SCAP: variants seen among roughly 807,000 people sequenced by gnomAD.
SCAP encodes the protein sterol regulatory element-binding protein cleavage-activating protein.
Under a neutral mutation model 123.6 loss-of-function variants are expected in SCAP, and 65 were observed. The observed-to-expected ratio is 0.53, with a 90% CI of 0.43 to 0.65. The LOEUF (loss-of-function observed/expected upper bound fraction) is 0.65, where lower values mean the gene tolerates loss of function less well. Among genes scored for constraint, SCAP ranks in the 30% least tolerant of loss-of-function variants. The probability of loss-of-function intolerance (pLI) is 0.00; values close to 1 mark genes in which losing one functional copy is unlikely to be tolerated. For synonymous variants in SCAP, 740 were observed against 726.3 expected (o/e 1.02, Z -0.30); for missense variants, 1,398 against 1,712.5 (o/e 0.82, Z 3.24).
In SCAP at chr3:47,454,065, C is replaced by G. The variant is rs75262220; in HGVS notation, c.-98-10974G>C. Among the ~76,000 whole-genome samples the G allele has an allele frequency of 8.5e-3, 1,296 of 152,270 alleles. 20 individuals carry two copies. Among genetic ancestry groups the G allele is most frequent in the African/African-American group, 0.03 (1,237 of 41,552 alleles). On this transcript the variant is annotated intron_variant, in intron 1 of 22. Coordinates refer to ENST00000265565, the MANE Select transcript of SCAP (RefSeq NM_012235.4). ...CATCTGATAAAATTCAACCCTCATCCTTTTAAGATAAGAATAGACAGGCCG... is the reference window on the plus strand; with the variant it reads ...CATCTGATAAAATTCAACCCTCATCGTTTTAAGATAAGAATAGACAGGCCG...
At chr3:47,430,551 A>G (rs1489869680) in intron 3 of SCAP, among the ~76,000 whole-genome samples, 1 of 152,126 alleles carries the variant, frequency 6.6e-6, no homozygotes. Context: ...CACCAAGGAA[A>G]CCTGTCAGGG....
At position 47,418,738 on chromosome 3, in the gene SCAP, C is replaced by T. The variant is rs1026428709; in HGVS notation, c.2046G>A (p.Pro682=). 3.7e-6 allele frequency: 6 copies of T among 1,601,486 alleles called. No individual in the cohort carries two copies. Among genetic ancestry groups the T allele is most frequent in the East Asian group, 4.5e-5 (2 of 44,652 alleles). Residue 682 remains proline, a synonymous_variant, in exon 14 of 23, where the codon CCG becomes CCA. Transcript: ENST00000265565. ...CCCAGTGCCCAGCAGGTATGGGCCC[C>T]GGTGGGGGCCAGGCACTGCGGCCGT... The part of the protein sequence containing the change: ...PQDGRSAWPP[P]GPIPAGHWEA...
intron 18 of SCAP, among the ~76,000 whole-genome samples, chr3:47,416,658 G>C (rs916735617): frequency 2.8e-5 from 3 of 107,300 alleles, no homozygotes; most frequent in Admixed American, 1.5e-4. Context: ...ACGGAGTCTC[G>C]CTCTGTCGCC....
rs188936480 is a variant in SCAP at position 47,424,800 on chromosome 3, G to A, written c.1037+685C>T. On this transcript the variant is annotated intron_variant, in intron 8 of 22. Coordinates refer to ENST00000265565, the MANE Select transcript of SCAP (RefSeq NM_012235.4). ...ACGTCGCTTTTCATACGACCAGCCT[G>A]ATGGGCCAAAGTGGTGGACAGGCCA... is the stretch of plus-strand genomic sequence containing the variant. Among the ~76,000 whole-genome samples the A allele has an allele frequency of 2.6e-5, 4 of 152,308 alleles. No individual in the cohort carries two copies. The East Asian group carries it at 7.7e-4, about 29-fold the overall frequency.
At chr3:47,470,964 C>CA (rs1389821998) in intron 1 of SCAP, among the ~76,000 whole-genome samples, 2 of 151,794 alleles carry the variant, frequency 1.3e-5, no homozygotes, top group Middle Eastern at 3.4e-3. Context: ...CTTCTCCCCC[C>CA]AAAAAAAAGT....
chr3:47,474,203 TGCAG>T (rs1708178654), intron 1 of SCAP, among the ~76,000 whole-genome samples: 1 of 147,156 alleles, frequency 6.8e-6, no homozygotes, highest in Non-Finnish European at 1.5e-5. Context: ...AGGCGGAGGG[TGCAG>T]TGAGCCGAGA....
intron 3 of SCAP, among the ~76,000 whole-genome samples, chr3:47,433,231 C>T (rs1168002526): frequency 3.3e-5 from 5 of 152,178 alleles, no homozygotes; most frequent in Non-Finnish European, 5.9e-5. Context: ...ACTTCAGTAT[C>T]GCTGGCCTGT....
intron 2 of SCAP, among the ~76,000 whole-genome samples, chr3:47,435,626 TCCA>T (rs1258669602): frequency 6.6e-6 from 1 of 151,976 alleles, no homozygotes; most frequent in Non-Finnish European, 1.5e-5. Context: ...CCTCAGGTGA[TCCA>T]CCCACCTCAG....
At chr3:47,469,592 C>T (rs1374299445) in intron 1 of SCAP, among the ~76,000 whole-genome samples, 1 of 152,200 alleles carries the variant, frequency 6.6e-6, no homozygotes, top group African/African-American at 2.4e-5. Context: ...CTTCTGACCT[C>T]AAGTGATCCA....
Position 47,420,585 on chromosome 3 carries a change from G to A in SCAP, c.1532C>T (p.Ala511Val). 6.2e-7 allele frequency: 1 copy of A among 1,610,548 alleles called. No homozygotes were observed. The highest frequency in any genetic ancestry group is 8.5e-7 in the Non-Finnish European group (1 of 1,179,006). ...PKRLRVVYFLARTRLAQRLIM... is the reference protein window; with the variant it reads ...PKRLRVVYFLVRTRLAQRLIM... ...GAGGCGCTGTGCCAGGCGGGTGCGG[G>A]CCAGGAAGTAGACAACACGCAGCCT... Residue 511 changes from alanine to valine, a missense_variant, in exon 12 of 23, where the codon GCC (alanine) becomes GTC (valine). Ala to Val is a moderately conservative substitution (Grantham distance 64). This residue lies in a region of SCAP where 828 missense variants were observed against 882.5 expected (regional missense o/e 0.94). Coordinates refer to ENST00000265565, the MANE Select transcript of SCAP (RefSeq NM_012235.4). This position sits in a 1 kb window ranked among gnomAD's most constrained non-coding sequence, Gnocchi z 5.0.
intron 9 of SCAP, among the ~76,000 whole-genome samples, chr3:47,423,148 C>T (rs1576260979): frequency 1.3e-5 from 2 of 152,350 alleles, no homozygotes; most frequent in Middle Eastern, 6.8e-3. Context: ...GAATGGACGG[C>T]TGCCTACAGC....
chr3:47,438,684 C>T (rs1397766220), intron 2 of SCAP, among the ~76,000 whole-genome samples: 2 of 151,938 alleles, frequency 1.3e-5, no homozygotes, highest in African/African-American at 4.8e-5. Context: ...CGCGGTGGCA[C>T]ACGCCTGTAA....
intron 9 of SCAP, among the ~76,000 whole-genome samples, chr3:47,423,514 C>G (rs1705998299): frequency 6.6e-6 from 1 of 152,240 alleles, no homozygotes; most frequent in South Asian, 2.1e-4. Flanking sequence ...CCACCTCAGC[C>G]TCTTGAGTAG....
In SCAP at chr3:47,414,861, C is replaced by T. The variant is rs1322810363; in HGVS notation, c.3272G>A (p.Arg1091His). Reference protein sequence around the residue: ...PITALKAAAGRLVTGSQDHTL... With the variant: ...PITALKAAAGHLVTGSQDHTL... ...GTGGTCTTGGCTCCCAGTCACCAAG[C>T]GCCCAGCAGCGGCTTTCAGGGCTGT... The change falls in exon 20 of 23, where the codon CGC becomes CAC. Residue 1091 changes from arginine to histidine, a missense_variant. Physicochemically the swap from Arg to His is conservative, Grantham distance 29. This residue lies in a region of SCAP where 44 missense variants were observed against 64.4 expected (regional missense o/e 0.68). Coordinates refer to ENST00000265565, the MANE Select transcript of SCAP (RefSeq NM_012235.4). The T allele has an allele frequency of 6.2e-6, 10 of 1,610,396 alleles. No individual in the cohort carries two copies. The highest frequency in any genetic ancestry group is 7.6e-6 in the Non-Finnish European group (9 of 1,178,690).
chr3:47,448,304 T>C (rs1707128708), intron 1 of SCAP, among the ~76,000 whole-genome samples: 1 of 152,156 alleles, frequency 6.6e-6, no homozygotes, highest in Non-Finnish European at 1.5e-5. Flanking sequence ...ATGTTAATCT[T>C]TTATCCTGCA....
chr3:47,414,502 C>G (rs1705471820), intron 21 of SCAP, 70 bp downstream of exon 21: 3 of 1,602,858 alleles, frequency 1.9e-6, no homozygotes, highest in East Asian at 2.2e-5. Context: ...CCCCTGGGGA[C>G]CAGCTCCCAG....
At position 47,422,478 on chromosome 3, in the gene SCAP, G is replaced by T. The variant is rs758226685; in HGVS notation, c.1209C>A (p.Ile403=). Reference sequence around the variant, plus strand: ...GCACTAGGGTGAAGTAGCCGATGAGGATGATGCCCAGCTCCGTGGCCATGT... The same window carrying T: ...GCACTAGGGTGAAGTAGCCGATGAGTATGATGCCCAGCTCCGTGGCCATGT... ...MKNMATELGI[I]LIGYFTLVPA... Residue 403 remains isoleucine (I), a synonymous_variant, in exon 10 of 23, where the codon ATC becomes ATA. Coordinates refer to ENST00000265565, the MANE Select transcript of SCAP (RefSeq NM_012235.4). 11 of 1,613,872 alleles carry T rather than the reference G, an allele frequency of 6.8e-6. No individual in the cohort carries two copies. The highest frequency in any genetic ancestry group is 9.3e-6 in the Non-Finnish European group (11 of 1,179,874).
At chr3:47,461,677 C>G (rs764383957) in intron 1 of SCAP, among the ~76,000 whole-genome samples, 2 of 152,208 alleles carry the variant, frequency 1.3e-5, no homozygotes, top group Non-Finnish European at 2.9e-5. Context: ...GCCCGGGGAA[C>G]ATTTCCATGA....
chr3:47,447,313 G>C (rs2107937070), intron 1 of SCAP, among the ~76,000 whole-genome samples: 1 of 152,120 alleles, frequency 6.6e-6, no homozygotes, highest in African/African-American at 2.4e-5. Flanking sequence ...AGAATCACCT[G>C]AACCCAGAAA....
Sources: gnomAD v4.1 joint callset for allele counts (sites outside exome capture counted in the v4.1 genomes callset) on GRCh38, gnomAD v4.1.1 for gene constraint, gnomAD v4.1.1 regional missense constraint, Gnocchi (gnomAD v3.1) non-coding constraint, MANE v1.5 for transcripts, NCBI Gene and HGNC (gene_info 2026-07-23, HGNC 2026-07-21) for gene names.